The following KLHL29 variants were observed in gnomAD, a reference collection of about 807,000 sequenced individuals.
KLHL29 encodes kelch-like protein 29.
Under a neutral mutation model 80.4 loss-of-function variants are expected in KLHL29, and 21 were observed. That is an observed-to-expected ratio of 0.26 (90% CI 0.19 to 0.38). KLHL29 has a LOEUF of 0.38. Among genes scored for constraint, KLHL29 ranks in the 10% least tolerant of loss-of-function variants. The pLI, the probability that KLHL29 is intolerant of heterozygous loss-of-function variation, is 1.00. For synonymous variants in KLHL29, 511 were observed against 526.8 expected, an observed-to-expected ratio of 0.97 and a Z score of 0.41; for missense variants, 867 against 1,223.9, an observed-to-expected ratio of 0.71 and a Z score of 4.35.
chr2:23,702,444 A>C (rs1672459908), intron 11 of KLHL29, among the ~76,000 whole-genome samples: 1 of 152,134 alleles, frequency 6.6e-6, no homozygotes, highest in Admixed American at 6.5e-5. Context: ...CACCATGATA[A>C]AGTCAAAAAA....
intron 3 of KLHL29, among the ~76,000 whole-genome samples, chr2:23,574,012 C>G (rs1371177387): frequency 6.6e-6 from 1 of 152,036 alleles, no homozygotes; most frequent in African/African-American, 2.4e-5. Flanking sequence ...GAAGCAGCTC[C>G]CTCTTGCTGG....
intron 1 of KLHL29, among the ~76,000 whole-genome samples, chr2:23,468,996 A>G (rs1664425360): frequency 6.6e-6 from 1 of 152,152 alleles, no homozygotes; most frequent in African/African-American, 2.4e-5. Flanking sequence ...ACCGGCCGGG[A>G]GCCAAGTTGT....
intron 1 of KLHL29, among the ~76,000 whole-genome samples, chr2:23,421,930 A>T (rs1236684596): frequency 6.9e-6 from 1 of 144,054 alleles, no homozygotes; most frequent in East Asian, 2.1e-4. Context: ...TCTGTGTCTG[A>T]GTCAGTGTGT....
intron 6 of KLHL29, among the ~76,000 whole-genome samples, chr2:23,686,318 A>G (rs1393979068): frequency 6.6e-6 from 1 of 151,972 alleles, no homozygotes; most frequent in Non-Finnish European, 1.5e-5. Flanking sequence ...CCCTCATCAG[A>G]AAGGATGGGG....
intron 1 of KLHL29, among the ~76,000 whole-genome samples, chr2:23,452,345 CTGAG>C (rs1449080667): frequency 6.6e-6 from 1 of 152,022 alleles, no homozygotes; most frequent in African/African-American, 2.4e-5. Context: ...GTCTCATGAA[CTGAG>C]TAAGAACTCA....
At chr2:23,542,680 G>A (rs765713909) in intron 2 of KLHL29, among the ~76,000 whole-genome samples, 1 of 152,242 alleles carries the variant, frequency 6.6e-6, no homozygotes, top group Non-Finnish European at 1.5e-5. Context: ...GCCAGAGAGA[G>A]ATCGTTCTTG....
At chr2:23,451,746 C>T (rs1225183910) in intron 1 of KLHL29, among the ~76,000 whole-genome samples, 3 of 152,230 alleles carry the variant, frequency 2.0e-5, no homozygotes, top group Non-Finnish European at 2.9e-5. Flanking sequence ...AAGGGATCAA[C>T]GTTGACCCAG....
chr2:23,508,491 T>C (rs780234327), intron 2 of KLHL29, among the ~76,000 whole-genome samples: 18 of 152,250 alleles, frequency 1.2e-4, no homozygotes, highest in Non-Finnish European at 2.2e-4. Context: ...CTTTGAGGAC[T>C]TAGCCTCAGA....
intron 1 of KLHL29, among the ~76,000 whole-genome samples, chr2:23,413,851 G>A (rs1040135519): frequency 2.6e-5 from 4 of 152,212 alleles, no homozygotes; most frequent in Middle Eastern, 3.2e-3. Flanking sequence ...CCACGGGTGC[G>A]GTGGGAGGCC....
At chr2:23,604,439 G>A (rs1214531529) in intron 3 of KLHL29, among the ~76,000 whole-genome samples, 1 of 152,190 alleles carries the variant, frequency 6.6e-6, no homozygotes, top group Non-Finnish European at 1.5e-5. Flanking sequence ...GTTGCTGCTG[G>A]TTACCGGGCT....
intron 1 of KLHL29, among the ~76,000 whole-genome samples, chr2:23,426,596 A>G (rs1375263554): frequency 6.6e-6 from 1 of 152,256 alleles, no homozygotes; most frequent in Non-Finnish European, 1.5e-5. Context: ...CCAATCTGCA[A>G]GAATGTCTCC....
intron 3 of KLHL29, among the ~76,000 whole-genome samples, chr2:23,582,264 A>G (rs1455120183): frequency 6.6e-6 from 1 of 152,248 alleles, no homozygotes; most frequent in Non-Finnish European, 1.5e-5. Context: ...TCATTTTTTA[A>G]TATAAATGCA....
At chr2:23,452,306 G>A (rs1663905068) in intron 1 of KLHL29, among the ~76,000 whole-genome samples, 1 of 151,750 alleles carries the variant, frequency 6.6e-6, no homozygotes, top group Non-Finnish European at 1.5e-5. Flanking sequence ...ACAGGTGTGA[G>A]CCATCATGCC....
chr2:23,407,900 T>C (rs1161995637), intron 1 of KLHL29, among the ~76,000 whole-genome samples: 1 of 152,012 alleles, frequency 6.6e-6, no homozygotes, highest in African/African-American at 2.4e-5. Flanking sequence ...AATTCTTTGT[T>C]GGGTTTTTTG....
At chr2:23,689,081 T>A (rs2551346) in intron 6 of KLHL29, 22,993 of 152,290 alleles carry the variant, frequency 0.15, 2,137 homozygotes, top group East Asian at 0.2. Context: ...ACCGTGTGTG[T>A]TGGTAAGAGG....
intron 5 of KLHL29, among the ~76,000 whole-genome samples, chr2:23,683,158 G>A (rs186834127): frequency 2.6e-5 from 4 of 152,320 alleles, no homozygotes; most frequent in African/African-American, 7.2e-5. Flanking sequence ...GAGTCCTGGC[G>A]GGCAGCCGGC....
chr2:23,686,979 G>A (rs538157631), intron 6 of KLHL29, among the ~76,000 whole-genome samples: 29 of 152,264 alleles, frequency 1.9e-4, no homozygotes, highest in East Asian at 7.7e-4. Flanking sequence ...CTTTCCTGCC[G>A]TGTAAAATCA....
Position 23,639,199 on chromosome 2 carries a change from G to A in KLHL29, c.346G>A (p.Gly116Arg), listed in dbSNP as rs868566133. Residue 116 changes from glycine to arginine, a missense_variant, in exon 4 of 14, where the codon GGG becomes AGG. Around this residue, in one of 2 missense-constraint regions of KLHL29, gnomAD observed 424 missense variants for 456.9 expected, o/e 0.93. Transcript: ENST00000486442. ...SQGLATSIRW[G>R]QTPINQSTPW... ...GGGACTGGCGACCAGCATCCGGTGG[G>A]GGCAGACGCCTATCAATCAGTCCAC... 6.5e-7 allele frequency: 1 copy of A among 1,547,460 alleles called. No individual in the cohort carries two copies. Among genetic ancestry groups the A allele is most frequent in the Non-Finnish European group, 8.7e-7 (1 of 1,145,318 alleles).
At chr2:23,394,140 C>T (rs1172286840) in intron 1 of KLHL29, among the ~76,000 whole-genome samples, 1 of 152,220 alleles carries the variant, frequency 6.6e-6, no homozygotes, top group Non-Finnish European at 1.5e-5. Flanking sequence ...CATTTAGTAA[C>T]ACTGAGAAGT....
Sources: gnomAD v4.1 joint callset for allele counts (sites outside exome capture counted in the v4.1 genomes callset) on GRCh38, gnomAD v4.1.1 for gene constraint, gnomAD v4.1.1 regional missense constraint, MANE v1.5 for transcripts, NCBI Gene and HGNC (gene_info 2026-07-23, HGNC 2026-07-21) for gene names.